PRMT8: variants seen among roughly 807,000 people sequenced by gnomAD.
The protein encoded by PRMT8 is protein arginine N-methyltransferase 8.
PRMT8 carries 7 observed loss-of-function variants against 47.1 expected under a neutral mutation model. That is an observed-to-expected ratio of 0.15 (90% CI 0.08 to 0.28). The LOEUF (loss-of-function observed/expected upper bound fraction) is 0.28, where lower values mean the gene tolerates loss of function less well. Ranked by LOEUF, PRMT8 falls within the 10% of genes least tolerant of loss-of-function variation. PRMT8 has a pLI of 1.00. For missense variants in PRMT8, 237 were observed against 505.4 expected (o/e 0.47, Z 5.09); for synonymous variants, 188 against 186.5 (o/e 1.01, Z -0.07).
chr12:3,442,684 A>G (rs920261817), intron 1 of PRMT8, among the ~76,000 whole-genome samples: 2 of 152,246 alleles, frequency 1.3e-5, no homozygotes, highest in South Asian at 2.1e-4. Flanking sequence ...TTTCAGATAG[A>G]GTCTCACTCT....
chr12:3,396,095 C>G (rs1864246145), intron 1 of PRMT8, among the ~76,000 whole-genome samples: 1 of 152,128 alleles, frequency 6.6e-6, no homozygotes, highest in Non-Finnish European at 1.5e-5. Flanking sequence ...TTATTTTGAG[C>G]CTATGTGTGT....
chr12:3,432,343 C>A (rs1286963195), intron 1 of PRMT8, among the ~76,000 whole-genome samples: 1 of 152,206 alleles, frequency 6.6e-6, no homozygotes, highest in Admixed American at 6.5e-5. Context: ...TTCTGCCATT[C>A]GGAGCATTGG....
At chr12:3,446,000 A>T (rs1489138149) in intron 1 of PRMT8, among the ~76,000 whole-genome samples, 1 of 152,074 alleles carries the variant, frequency 6.6e-6, no homozygotes, top group Non-Finnish European at 1.5e-5. Context: ...CTTCACTATC[A>T]GGCCTCCTAC....
intron 1 of PRMT8, among the ~76,000 whole-genome samples, chr12:3,438,167 T>G (rs1418703517): frequency 6.6e-6 from 1 of 152,146 alleles, no homozygotes; most frequent in African/African-American, 2.4e-5. Flanking sequence ...CTGTGAGGCA[T>G]CTGGCTTATC....
chr12:3,553,746 A>T, intron 4 of PRMT8, 32 bp downstream of exon 4: 1 of 1,534,096 alleles, frequency 6.5e-7, no homozygotes, highest in Middle Eastern at 1.7e-4. Context: ...TTTCTCCTGG[A>T]TGGAGGGGAC....
Position 3,436,037 on chromosome 12 carries a change from T to C in PRMT8, c.48+54595T>C, listed in dbSNP as rs1403004015. Among the ~76,000 whole-genome samples the C allele has an allele frequency of 2.0e-5, 3 of 152,144 alleles. No homozygotes were observed. Among genetic ancestry groups the C allele is most frequent in the Non-Finnish European group, 2.9e-5 (2 of 68,026 alleles). The stretch of plus-strand genomic sequence containing the variant: ...TTTTAGCGGGCAAGGGGAGATGGTA[T>C]GTGTTCAGGATGGAGAGTTCACACC... On this transcript the variant is annotated intron_variant, in intron 1 of 9. Transcript: ENST00000452611. This position sits in a 1 kb window ranked among gnomAD's most constrained non-coding sequence, Gnocchi z 4.2.
At chr12:3,397,987 A>C (rs549932062) in intron 1 of PRMT8, among the ~76,000 whole-genome samples, 2 of 152,084 alleles carry the variant, frequency 1.3e-5, no homozygotes, top group East Asian at 3.9e-4. Flanking sequence ...GGTGCCGTCC[A>C]TCACCCCTTT....
At chr12:3,418,119 C>A (rs1204836355) in intron 1 of PRMT8, among the ~76,000 whole-genome samples, 2 of 152,242 alleles carry the variant, frequency 1.3e-5, no homozygotes, top group Non-Finnish European at 2.9e-5. Context: ...TTCTAGCTTT[C>A]AGGATGGCAG....
chr12:3,584,792 A>T (rs1867136414), intron 8 of PRMT8, among the ~76,000 whole-genome samples: 2 of 152,196 alleles, frequency 1.3e-5, no homozygotes, highest in African/African-American at 4.8e-5. Flanking sequence ...TAAAAATAGT[A>T]CACAGAGTTG....
At chr12:3,579,664 A>G (rs1312516463) in intron 7 of PRMT8, among the ~76,000 whole-genome samples, 2 of 152,184 alleles carry the variant, frequency 1.3e-5, no homozygotes, top group Non-Finnish European at 2.9e-5. Context: ...GCTAGGCAAC[A>G]TCTTGCCGAG....
intron 8 of PRMT8, among the ~76,000 whole-genome samples, chr12:3,588,008 C>T (rs1213587160): frequency 6.6e-6 from 1 of 152,130 alleles, no homozygotes; most frequent in African/African-American, 2.4e-5. Flanking sequence ...GAAGTGGGAA[C>T]TGGGGCCCCT....
rs1193443979 is a variant in PRMT8 at position 3,566,107 on chromosome 12, G to C, written c.482-2599G>C. On this transcript the variant is annotated intron_variant, in intron 4 of 9. Coordinates refer to ENST00000382622, the MANE Select transcript of PRMT8 (RefSeq NM_019854.5). The surrounding 1 kb of genome is among the most constrained non-coding windows in gnomAD (Gnocchi z 4.7). ...CGTGCAAAGAAAAAAAAGTAAGGGA[G>C]GCCATTAAAGACAATTTTTAAGTTT... Among the ~76,000 whole-genome samples the C allele has an allele frequency of 1.3e-5, 2 of 152,112 alleles. No individual in the cohort carries two copies. The highest frequency in any genetic ancestry group is 4.8e-5 in the African/African-American group (2 of 41,402).
At chr12:3,399,854 G>A (rs2137050334) in intron 1 of PRMT8, among the ~76,000 whole-genome samples, 1 of 152,334 alleles carries the variant, frequency 6.6e-6, no homozygotes, top group African/African-American at 2.4e-5. Flanking sequence ...AGGCTAGAGT[G>A]AGCATGTGAG....
At chr12:3,522,577 T>G (rs1452593142) in intron 1 of PRMT8, among the ~76,000 whole-genome samples, 1 of 150,942 alleles carries the variant, frequency 6.6e-6, no homozygotes, top group Admixed American at 6.6e-5. Flanking sequence ...GGCAGAGAAT[T>G]GCTTGAACCC....
At chr12:3,447,485 C>G (rs536659128) in intron 1 of PRMT8, among the ~76,000 whole-genome samples, 3 of 152,266 alleles carry the variant, frequency 2.0e-5, no homozygotes, top group South Asian at 4.1e-4. Flanking sequence ...AGGCGCCCCC[C>G]TCTCCCGCAG....
intron 1 of PRMT8, among the ~76,000 whole-genome samples, chr12:3,389,115 T>C (rs959736591): frequency 6.6e-5 from 10 of 152,124 alleles, no homozygotes; most frequent in African/African-American, 2.4e-4. Context: ...ATAGGGAGGA[T>C]TACAGTGAAT....
chr12:3,545,285 C>T (rs2191205), intron 2 of PRMT8, among the ~76,000 whole-genome samples: 147,681 of 152,316 alleles, frequency 0.97, 71,757 homozygotes, highest in East Asian at 1. Context: ...AGTCTGTGTA[C>T]TTAACCACTG....
At chr12:3,411,947 T>A (rs549103621) in intron 1 of PRMT8, among the ~76,000 whole-genome samples, 1 of 152,352 alleles carries the variant, frequency 6.6e-6, no homozygotes, top group South Asian at 2.1e-4. Context: ...CAGTCAGCCC[T>A]CCCTAACCAT....
intron 8 of PRMT8, 140 bp from the exon 9 acceptor site, chr12:3,592,091 C>T: frequency 1.0e-6 from 1 of 958,448 alleles, no homozygotes; most frequent in Non-Finnish European, 1.5e-6. Context: ...GCACCTGACC[C>T]AACAAGAGTA....
Sources: gnomAD v4.1 joint callset for allele counts (sites outside exome capture counted in the v4.1 genomes callset) on GRCh38, gnomAD v4.1.1 for gene constraint, Gnocchi (gnomAD v3.1) non-coding constraint, MANE v1.5 for transcripts, NCBI Gene and HGNC (gene_info 2026-07-23, HGNC 2026-07-21) for gene names.